The following GRIP1 variants were observed in gnomAD, a reference collection of about 807,000 sequenced individuals.
The protein encoded by GRIP1 is glutamate receptor interacting protein 1.
Under a neutral mutation model 129.9 loss-of-function variants are expected in GRIP1, and 45 were observed. The ratio of observed to expected loss-of-function variants is 0.35; its 90% CI spans 0.27 to 0.44. The LOEUF (loss-of-function observed/expected upper bound fraction) is 0.44, where lower values mean the gene tolerates loss of function less well. GRIP1 is among the 20% of genes least tolerant of loss of function. GRIP1 has a pLI of 1.00. For synonymous variants in GRIP1, 530 were observed against 520.8 expected (o/e 1.02, Z -0.24); for missense variants, 1,196 against 1,396.8 (o/e 0.86, Z 2.29).
chr12:66,987,676 T>C (rs1050131106), intron 1 of GRIP1, among the ~76,000 whole-genome samples: 5 of 152,214 alleles, frequency 3.3e-5, no homozygotes, highest in Non-Finnish European at 7.3e-5. Context: ...CCTGGTTTTT[T>C]CAACAGCTTG....
chr12:66,955,141 G>A (rs1209533164), intron 1 of GRIP1, among the ~76,000 whole-genome samples: 2 of 152,152 alleles, frequency 1.3e-5, no homozygotes, highest in Non-Finnish European at 2.9e-5. Context: ...AACCATCAGA[G>A]GTTGGCATTA....
intron 14 of GRIP1, among the ~76,000 whole-genome samples, chr12:66,423,952 A>G (rs1321590219): frequency 1.3e-5 from 2 of 152,250 alleles, no homozygotes; most frequent in Admixed American, 1.3e-4. Context: ...CCTGACAAAA[A>G]AGAGCAATGA....
At chr12:66,494,952 T>G in intron 7 of GRIP1, among the ~76,000 whole-genome samples, 1 of 151,922 alleles carries the variant, frequency 6.6e-6, no homozygotes, top group Admixed American at 6.6e-5. Flanking sequence ...AAAGAAGAAA[T>G]AAAAAGAATT....
At chr12:66,688,050 G>A (rs1377953149) in intron 1 of GRIP1, among the ~76,000 whole-genome samples, 2 of 152,204 alleles carry the variant, frequency 1.3e-5, no homozygotes, top group Non-Finnish European at 2.9e-5. Flanking sequence ...GGAAAATAGA[G>A]TCGAGGGATG....
intron 1 of GRIP1, among the ~76,000 whole-genome samples, chr12:66,771,059 T>C (rs1380810331): frequency 6.6e-6 from 1 of 152,070 alleles, no homozygotes; most frequent in African/African-American, 2.4e-5. Context: ...CGCCATTGCC[T>C]TCCAACCTGG....
At chr12:66,753,515 A>G (rs2037193026) in intron 1 of GRIP1, among the ~76,000 whole-genome samples, 1 of 152,172 alleles carries the variant, frequency 6.6e-6, no homozygotes, top group Admixed American at 6.5e-5. Context: ...ATCACCTATG[A>G]TGTTATGCCA....
chr12:66,972,917 T>G (rs747046478), intron 1 of GRIP1, among the ~76,000 whole-genome samples: 4 of 152,160 alleles, frequency 2.6e-5, no homozygotes, highest in African/African-American at 4.8e-5. Flanking sequence ...AAGGAACTCC[T>G]GGCCCCCAAA....
At chr12:66,522,168 T>C (rs57796688) in intron 5 of GRIP1, among the ~76,000 whole-genome samples, 71,717 of 152,072 alleles carry the variant, frequency 0.47, 17,147 homozygotes, top group African/African-American at 0.56. Flanking sequence ...TCTCCCAGCA[T>C]GCAGCTGTAG....
intron 1 of GRIP1, among the ~76,000 whole-genome samples, chr12:66,719,472 C>G (rs2136438195): frequency 6.6e-6 from 1 of 152,262 alleles, no homozygotes; most frequent in Non-Finnish European, 1.5e-5. Context: ...GATTGTATCA[C>G]TTGACTAATA....
chr12:66,530,197 A>G (rs1268812832), intron 4 of GRIP1, among the ~76,000 whole-genome samples: 1 of 152,234 alleles, frequency 6.6e-6, no homozygotes, highest in African/African-American at 2.4e-5. Context: ...GGGGATATTT[A>G]CATTGTTTAA....
intron 7 of GRIP1, among the ~76,000 whole-genome samples, chr12:66,499,746 T>C (rs2060337224): frequency 6.6e-6 from 1 of 152,170 alleles, no homozygotes; most frequent in African/African-American, 2.4e-5. Context: ...CTCATGCCTG[T>C]AATACCAGCA....
chr12:66,577,532 G>A (rs922066362), intron 2 of GRIP1, among the ~76,000 whole-genome samples: 13 of 152,310 alleles, frequency 8.5e-5, no homozygotes, highest in African/African-American at 2.6e-4. Context: ...TGTAAGGGTT[G>A]ATTTATAATA....
chr12:66,983,932 G>A (rs893877433), intron 1 of GRIP1, among the ~76,000 whole-genome samples: 4 of 152,108 alleles, frequency 2.6e-5, no homozygotes, highest in Non-Finnish European at 5.9e-5. Context: ...TTCCCACCAA[G>A]GGAGATTTAA....
chr12:66,630,786 G>A (rs2030688268), intron 1 of GRIP1, among the ~76,000 whole-genome samples: 1 of 152,250 alleles, frequency 6.6e-6, no homozygotes, highest in African/African-American at 2.4e-5. Flanking sequence ...ATAGGTGAAA[G>A]CCTCTATTGA....
At chr12:66,682,249 C>A (rs1026226540), upstream of GRIP1, among the ~76,000 whole-genome samples, 1 of 152,130 alleles carries the variant, frequency 6.6e-6, no homozygotes, top group Non-Finnish European at 1.5e-5. Flanking sequence ...CTCTGAAGCA[C>A]AGCTCATGGT....
intron 1 of GRIP1, among the ~76,000 whole-genome samples, chr12:66,995,577 C>G (rs7981013): frequency 0.56 from 84,962 of 151,266 alleles, 24,518 homozygotes; most frequent in Non-Finnish European, 0.62. Context: ...TGGCAAATGG[C>G]TACATGAAAA....
At chr12:66,516,753 G>C (rs558214345) in intron 6 of GRIP1, among the ~76,000 whole-genome samples, 6 of 152,256 alleles carry the variant, frequency 3.9e-5, no homozygotes, top group African/African-American at 1.4e-4. Flanking sequence ...TGGACATTTT[G>C]TTACCCGCTG....
At chr12:66,850,606 T>C (rs558714751) in intron 1 of GRIP1, among the ~76,000 whole-genome samples, 106 of 152,170 alleles carry the variant, frequency 7.0e-4, no homozygotes, top group Admixed American at 1.9e-3. Flanking sequence ...GAGGATGTTC[T>C]TAGGAACACC....
At chr12:66,569,027 G>T in intron 2 of GRIP1, 1 of 415,968 alleles carries the variant, frequency 2.4e-6, no homozygotes. Flanking sequence ...GCATTATTCT[G>T]GTCTTCAGCA....
Sources: gnomAD v4.1 joint callset for allele counts (sites outside exome capture counted in the v4.1 genomes callset) on GRCh38, gnomAD v4.1.1 for gene constraint, MANE v1.5 for transcripts, NCBI Gene and HGNC (gene_info 2026-07-23, HGNC 2026-07-21) for gene names.